The following CNTN4 variants were observed in gnomAD, a reference collection of about 807,000 sequenced individuals.
The protein encoded by CNTN4 is contactin 4.
Under a neutral mutation model 122.5 loss-of-function variants are expected in CNTN4, and 77 were observed. That is an observed-to-expected ratio of 0.63 (90% CI 0.52 to 0.76). The LOEUF (loss-of-function observed/expected upper bound fraction) is 0.76. Among genes scored for constraint, CNTN4 ranks in the 30% least tolerant of loss-of-function variants. The pLI, the probability that CNTN4 is intolerant of heterozygous loss-of-function variation, is 0.00. For missense variants in CNTN4, 1,256 were observed against 1,259.1 expected (o/e 1.00, Z 0.04); for synonymous variants, 512 against 447.0 (o/e 1.15, Z -1.83).
Position 2,708,972 on chromosome 3 carries a change from C to T in CNTN4, c.56-27243C>T, listed in dbSNP as rs533273563. Among the ~76,000 whole-genome samples, 9 of 152,220 alleles carry T rather than the reference C, an allele frequency of 5.9e-5. 1 individual carries two copies. The South Asian group carries it at 1.5e-3, about 25-fold the overall frequency. On this transcript the variant is annotated intron_variant, in intron 4 of 24. Coordinates refer to ENST00000418658, the MANE Select transcript of CNTN4 (RefSeq NM_175607.3). ...GATCTCCTGTGTCGATATCGCATTGCAGAAATCCATGTACGTATTTTAATG... is the reference window on the plus strand; with the variant it reads ...GATCTCCTGTGTCGATATCGCATTGTAGAAATCCATGTACGTATTTTAATG...
At chr3:2,181,013 C>T (rs1013189988) in intron 2 of CNTN4, among the ~76,000 whole-genome samples, 1 of 152,024 alleles carries the variant, frequency 6.6e-6, no homozygotes, top group African/African-American at 2.4e-5. Flanking sequence ...TTATTGAGGA[C>T]AACTACATGG....
chr3:2,137,868 T>C (rs981806318), intron 2 of CNTN4, among the ~76,000 whole-genome samples: 14 of 152,288 alleles, frequency 9.2e-5, no homozygotes, highest in African/African-American at 3.4e-4. Context: ...TGCAACTGCC[T>C]GTGTTGCCAC....
intron 3 of CNTN4, among the ~76,000 whole-genome samples, chr3:2,438,158 A>C (rs2048318809): frequency 6.6e-6 from 1 of 151,936 alleles, no homozygotes; most frequent in Admixed American, 6.6e-5. Context: ...TTCGCCCTTT[A>C]TTTCTTTCAC....
At position 3,042,199 on chromosome 3, in the gene CNTN4, C is replaced by T. The variant is rs532683032; in HGVS notation, c.2399-111C>T. 8.7e-4 allele frequency: 717 copies of T among 827,930 alleles called. 5 individuals carry two copies. In the African/African-American group the frequency reaches 0.011, roughly 13 times the overall value. 51.3% of individuals were successfully genotyped at this position (827,930 alleles called of 1,614,324 possible). Reference sequence around the variant, plus strand: ...GCAAAATGAGGGTTTGGCTTACAATCATTAAGGACGATTCTATAACCATGA... The same window carrying T: ...GCAAAATGAGGGTTTGGCTTACAATTATTAAGGACGATTCTATAACCATGA... On this transcript the variant is annotated intron_variant, in intron 20 of 24. Transcript: ENST00000418658.
At chr3:2,718,812 C>T (rs1218168988) in intron 4 of CNTN4, among the ~76,000 whole-genome samples, 2 of 152,002 alleles carry the variant, frequency 1.3e-5, no homozygotes, top group Non-Finnish European at 2.9e-5. Context: ...TACTATAAGC[C>T]AAACATTTTA....
In CNTN4 at chr3:3,049,520, C is replaced by A. The variant is rs1210005927; in HGVS notation, c.2812-4287C>A. Among the ~76,000 whole-genome samples, 4 of 152,196 alleles carry A rather than the reference C, an allele frequency of 2.6e-5. No individual in the cohort carries two copies. In the South Asian group the frequency reaches 8.3e-4, roughly 31 times the overall value. Reference sequence around the variant, plus strand: ...TTGAAGACCTGGGATCCGAATACAGCAGTATGGATCCTGAGTTCTACATTT... The same window carrying A: ...TTGAAGACCTGGGATCCGAATACAGAAGTATGGATCCTGAGTTCTACATTT... On this transcript the variant is annotated intron_variant, in intron 23 of 24. Coordinates refer to ENST00000418658, the MANE Select transcript of CNTN4 (RefSeq NM_175607.3).
Position 2,866,738 on chromosome 3 carries a change from T to A in CNTN4, c.455-14T>A. 1 of 1,611,328 alleles carries A rather than the reference T, an allele frequency of 6.2e-7. No homozygotes were observed. The highest frequency in any genetic ancestry group is 8.5e-7 in the Non-Finnish European group (1 of 1,177,524). ...CAAAAGACATATTTGTAATGAAGAT[T>A]TTTTTCCTTTCAGAGCTGAGTTATG... On this transcript the variant is annotated splice_polypyrimidine_tract_variant and intron_variant, in intron 7 of 24. Transcript: ENST00000418658.
chr3:2,251,267 C>G (rs536421732), intron 2 of CNTN4, among the ~76,000 whole-genome samples: 27 of 151,862 alleles, frequency 1.8e-4, no homozygotes, highest in Non-Finnish European at 3.2e-4. Context: ...TACAGGAATG[C>G]TAATGAAATC....
intron 4 of CNTN4, among the ~76,000 whole-genome samples, chr3:2,713,135 T>G (rs1054484125): frequency 5.3e-5 from 8 of 152,122 alleles, no homozygotes; most frequent in Non-Finnish European, 1.2e-4. Context: ...GCAACTGATA[T>G]CTGAAGTGGG....
chr3:2,423,656 A>G (rs112769769), intron 3 of CNTN4, among the ~76,000 whole-genome samples: 145 of 152,200 alleles, frequency 9.5e-4, no homozygotes, highest in African/African-American at 3.4e-3. Flanking sequence ...TTAAAGTAGA[A>G]GTTTTGATGA....
chr3:2,273,013 A>G (rs1280283357), intron 2 of CNTN4, among the ~76,000 whole-genome samples: 1 of 152,158 alleles, frequency 6.6e-6, no homozygotes, highest in South Asian at 2.1e-4. Flanking sequence ...AAAAATATCA[A>G]CATAGGATAT....
intron 4 of CNTN4, among the ~76,000 whole-genome samples, chr3:2,591,346 T>A (rs2149660431): frequency 9.6e-6 from 1 of 104,044 alleles, no homozygotes; most frequent in Admixed American, 1.0e-4. Context: ...ACTAGTAGAT[T>A]TGTGACTTTT....
At chr3:2,104,186 CTCTT>C (rs2032232526) in intron 2 of CNTN4, among the ~76,000 whole-genome samples, 2 of 151,670 alleles carry the variant, frequency 1.3e-5, no homozygotes, top group Admixed American at 1.3e-4. Flanking sequence ...TTCTGAACTC[CTCTT>C]TCTTCCAATT....
rs1324222729 is a variant in CNTN4 at position 2,385,522 on chromosome 3, T to G, written c.-89+46289T>G. On this transcript the variant is annotated intron_variant, in intron 3 of 24. Transcript: ENST00000418658. This position sits in a 1 kb window ranked among gnomAD's most constrained non-coding sequence, Gnocchi z 4.0. Reference sequence around the variant, plus strand: ...CTTAAAATGACAGAAGTTTATTCTCTCACACTTCTAGAGGCCAGAAGTCCA... The same window carrying G: ...CTTAAAATGACAGAAGTTTATTCTCGCACACTTCTAGAGGCCAGAAGTCCA... Among the ~76,000 whole-genome samples, 1 of 152,088 alleles carries G rather than the reference T, an allele frequency of 6.6e-6. No homozygotes were observed. The highest frequency in any genetic ancestry group is 1.5e-5 in the Non-Finnish European group (1 of 68,032).
chr3:2,986,038 C>A (rs340816), intron 13 of CNTN4, among the ~76,000 whole-genome samples: 2 of 151,476 alleles, frequency 1.3e-5, no homozygotes, highest in African/African-American at 4.9e-5. Context: ...CCTCAGCCCC[C>A]CAAGTAGCTG....
intron 6 of CNTN4, among the ~76,000 whole-genome samples, chr3:2,810,599 C>T (rs537446485): frequency 3.9e-5 from 6 of 152,252 alleles, no homozygotes; most frequent in East Asian, 3.9e-4. Flanking sequence ...ACTTTCTCAG[C>T]GCTATTTTGC....
intron 2 of CNTN4, among the ~76,000 whole-genome samples, chr3:2,104,441 AC>A (rs1360247677): frequency 6.6e-6 from 1 of 152,170 alleles, no homozygotes; most frequent in African/African-American, 2.4e-5. Flanking sequence ...GTAGTTCAGT[AC>A]TCATAGAATA....
chr3:3,054,083 T>C (rs1701544711), intron 24 of CNTN4, 108 bp downstream of exon 24: 5 of 1,176,542 alleles, frequency 4.2e-6, no homozygotes, highest in Admixed American at 1.9e-5. Flanking sequence ...AGACTTAAAA[T>C]AGAAATGGAG....
chr3:2,195,837 G>A (rs1412559853), intron 2 of CNTN4, among the ~76,000 whole-genome samples: 1 of 152,164 alleles, frequency 6.6e-6, no homozygotes, highest in East Asian at 1.9e-4. Flanking sequence ...GCAGCCTAAA[G>A]CATCTTCTAA....
Sources: gnomAD v4.1 joint callset for allele counts (sites outside exome capture counted in the v4.1 genomes callset) on GRCh38, gnomAD v4.1.1 for gene constraint, Gnocchi (gnomAD v3.1) non-coding constraint, MANE v1.5 for transcripts, NCBI Gene and HGNC (gene_info 2026-07-23, HGNC 2026-07-21) for gene names.